SEC23IP: variants seen among roughly 807,000 people sequenced by gnomAD.
SEC23IP encodes the protein SEC23 interacting protein, also known as SEC23-interacting protein.
Under a neutral mutation model 113.4 loss-of-function variants are expected in SEC23IP, and 70 were observed. That is an observed-to-expected ratio of 0.62 (90% confidence interval 0.51 to 0.75). SEC23IP has a LOEUF of 0.75. Ranked by LOEUF, SEC23IP falls within the 30% of genes least tolerant of loss-of-function variation. The probability of loss-of-function intolerance (pLI) is 0.00; values close to 1 mark genes in which losing one functional copy is unlikely to be tolerated. For missense variants in SEC23IP, 1,160 were observed against 1,204.9 expected, an observed-to-expected ratio of 0.96 and a Z score of 0.55; for synonymous variants, 398 against 421.0, an observed-to-expected ratio of 0.95 and a Z score of 0.67.
At chr10:119,904,446 T>C (rs1854599174) in intron 4 of SEC23IP, 169 bp downstream of exon 4, 2 of 611,070 alleles carry the variant, frequency 3.3e-6, no homozygotes, top group African/African-American at 3.7e-5. Context: ...CATGAGGTGC[T>C]AATCGTGGCA....
chr10:119,897,690 A>C (rs1031587150), intron 1 of SEC23IP, among the ~76,000 whole-genome samples: 1 of 152,168 alleles, frequency 6.6e-6, no homozygotes, highest in East Asian at 1.9e-4. Context: ...TCTTACCAAG[A>C]AAAAAAGATA....
chr10:119,915,979 A>T (rs1855038145), intron 8 of SEC23IP, 90 bp downstream of exon 8: 2 of 1,119,532 alleles, frequency 1.8e-6, no homozygotes, highest in Non-Finnish European at 2.4e-6. Context: ...TTGTAGCTTC[A>T]ATCAATATGT....
At position 119,898,892 on chromosome 10, in the gene SEC23IP, C is replaced by T. The variant is rs1228437079; in HGVS notation, c.629C>T (p.Pro210Leu). The T allele has an allele frequency of 6.2e-7, 1 of 1,605,442 alleles. No individual in the cohort carries two copies. Among genetic ancestry groups the T allele is most frequent in the Non-Finnish European group, 8.5e-7 (1 of 1,179,888 alleles). Residue 210 changes from proline to leucine, a missense_variant, in exon 2 of 19, where the codon CCT (proline) becomes CTT (leucine). Transcript: ENST00000369075. The stretch of plus-strand genomic sequence containing the variant: ...CAGCAGTGCCAAACACCAGGCCCTC[C>T]TGCTCATCCTCCACCTTCTGGACCC... ...QLQQCQTPGPPAHPPPSGPPV... is the reference protein window; with the variant it reads ...QLQQCQTPGPLAHPPPSGPPV...
At chr10:119,933,652 GTC>G in intron 17 of SEC23IP, 32 bp from the exon 18 acceptor site, 1 of 1,172,906 alleles carries the variant, frequency 8.5e-7, no homozygotes. Context: ...TCTTCTAATT[GTC>G]TCTTAAGTAA....
At chr10:119,905,935 A>G (rs1479793776) in intron 4 of SEC23IP, among the ~76,000 whole-genome samples, 1 of 152,154 alleles carries the variant, frequency 6.6e-6, no homozygotes, top group Admixed American at 6.5e-5. Flanking sequence ...CAAGAAAAGT[A>G]CCGGTAAACT....
In SEC23IP at chr10:119,929,530, G is replaced by C. The variant is rs183959073; in HGVS notation, c.2314-77G>C. The C allele has an allele frequency of 5.6e-4, 739 of 1,310,206 alleles. 10 individuals are homozygous for C. In the East Asian group the frequency reaches 0.016, roughly 28 times the overall value. The allele number at this position is 1,310,206 out of a possible 1,614,324, so 81.2% of individuals were successfully genotyped here. On this transcript the variant is annotated intron_variant, in intron 13 of 18. Coordinates refer to ENST00000369075, the MANE Select transcript of SEC23IP (RefSeq NM_007190.4). ...ATTACAGGCATGAGCCACCACGCCC[G>C]GCCTGAAAATTCAAAAGAATTTTCT... is the stretch of plus-strand genomic sequence containing the variant.
Position 119,914,737 on chromosome 10 carries a change from G to T in SEC23IP, c.1320G>T (p.Met440Ile), listed in dbSNP as rs774516187. ...AAAAATTTTTTTTGATAGGGGAGAT[G>T]CCTCAAGTTGACCATTTGGTGTTTG... ...DNLDEIPDGE[M>I]PQVDHLVFVV... The change falls in exon 7 of 19, where the codon ATG (methionine) becomes ATT (isoleucine). Residue 440 changes from methionine (M) to isoleucine (I), a missense_variant. Physicochemically the swap from Met to Ile is conservative, Grantham distance 10. Transcript: ENST00000369075. The T allele has an allele frequency of 6.2e-7, 1 of 1,614,024 alleles. No individual in the cohort carries two copies. The highest frequency in any genetic ancestry group is 2.2e-5 in the East Asian group (1 of 44,878).
chr10:119,932,902 T>C, intron 16 of SEC23IP, 103 bp from the exon 17 acceptor site: 1 of 983,908 alleles, frequency 1.0e-6, no homozygotes, highest in Admixed American at 2.5e-5. Context: ...CTCAGGTTGC[T>C]ACATGCGTCA....
intron 13 of SEC23IP, among the ~76,000 whole-genome samples, chr10:119,929,124 A>G (rs759795532): frequency 6.6e-6 from 1 of 152,264 alleles, no homozygotes; most frequent in Non-Finnish European, 1.5e-5. Flanking sequence ...ATTTATAACC[A>G]TAATAAATAT....
chr10:119,909,030 C>G lies in SEC23IP; in HGVS notation c.1102-11C>G. The G allele has an allele frequency of 6.4e-7, 1 of 1,574,610 alleles. No individual in the cohort carries two copies. Among genetic ancestry groups the G allele is most frequent in the Non-Finnish European group, 8.7e-7 (1 of 1,153,086 alleles). On this transcript the variant is annotated splice_polypyrimidine_tract_variant and intron_variant, in intron 4 of 18. Coordinates refer to ENST00000369075, the MANE Select transcript of SEC23IP (RefSeq NM_007190.4). ...GTCATGTTGGAATATATGTTGTTTC[C>G]CCCATTATAGGCTGAATATAAAAAA... is the stretch of plus-strand genomic sequence containing the variant.
intron 15 of SEC23IP, among the ~76,000 whole-genome samples, chr10:119,931,555 A>ATT (rs755087472): frequency 2.2e-5 from 3 of 135,284 alleles, no homozygotes; most frequent in African/African-American, 5.5e-5. Context: ...ATGTGCTTAC[A>ATT]TTTTTTTTTT....
chr10:119,893,791 A>G (rs1854182376), intron 1 of SEC23IP, among the ~76,000 whole-genome samples: 2 of 152,132 alleles, frequency 1.3e-5, no homozygotes, highest in South Asian at 4.1e-4. Context: ...AAGTGCTGGG[A>G]TTACAGGTTT....
At position 119,911,037 on chromosome 10, in the gene SEC23IP, CT is replaced by C. The variant is rs34695263; in HGVS notation, c.1192-993del. Among the ~76,000 whole-genome samples the C allele has an allele frequency of 9.4e-3, 1,225 of 129,710 alleles. 11 individuals carry two copies. The highest frequency in any genetic ancestry group is 0.027 in the African/African-American group (933 of 35,134). The allele number at this position is 129,710 out of a possible 152,430, so 85.1% of individuals were successfully genotyped here. A position where few individuals can be genotyped will look rare whatever the true frequency, so the allele number is the denominator to read the frequency against. On this transcript the variant is annotated intron_variant, in intron 5 of 18. Transcript: ENST00000369075. ...TTGCATACTACATCAAGTATATATT[CT>C]TTTTTTTTTTTTTAAAGAAAATTTT... is the stretch of plus-strand genomic sequence containing the variant.
Position 119,944,578 on chromosome 10 carries a change from ATGT to A in SEC23IP, c.*4018_*4020del, listed in dbSNP as rs1378967531. 1.3e-5 allele frequency: 2 copies of A among 152,196 alleles called. No individual in the cohort carries two copies. The highest frequency in any genetic ancestry group is 2.9e-5 in the Non-Finnish European group (2 of 68,040). 9.4% of individuals were successfully genotyped at this position (152,196 alleles called of 1,614,324 possible). The stretch of plus-strand genomic sequence containing the variant: ...CACAACTGGGGCGACTGAAGAAATT[ATGT>A]TGTTAAGCACGAAATGCAGAGAGAG... On this transcript the variant is annotated 3_prime_UTR_variant, in exon 19 of 19. Coordinates refer to ENST00000369075, the MANE Select transcript of SEC23IP (RefSeq NM_007190.4).
At chr10:119,901,044 T>TAAA (rs1554911999) in intron 2 of SEC23IP, among the ~76,000 whole-genome samples, 1 of 42,994 alleles carries the variant, frequency 2.3e-5, no homozygotes, top group Non-Finnish European at 4.2e-5. Flanking sequence ...TTTTAAAGAG[T>TAAA]GGGGGGGGGG....
At chr10:119,903,695 T>C (rs1854570424) in intron 3 of SEC23IP, among the ~76,000 whole-genome samples, 1 of 152,202 alleles carries the variant, frequency 6.6e-6, no homozygotes, top group South Asian at 2.1e-4. Context: ...CTTTAAAGAT[T>C]GAGTAGTCAC....
intron 9 of SEC23IP, 79 bp downstream of exon 9, chr10:119,918,123 G>T (rs1478977237): frequency 8.7e-7 from 1 of 1,147,064 alleles, no homozygotes; most frequent in Non-Finnish European, 1.3e-6. Context: ...GATATTGTTA[G>T]TGCAAAATTA....
At chr10:119,908,620 G>A (rs1564910409) in intron 4 of SEC23IP, among the ~76,000 whole-genome samples, 1 of 152,200 alleles carries the variant, frequency 6.6e-6, no homozygotes, top group African/African-American at 2.4e-5. Flanking sequence ...GAGATTGCCA[G>A]CCACCACCAG....
intron 2 of SEC23IP, among the ~76,000 whole-genome samples, chr10:119,902,572 C>T (rs1037072262): frequency 1.3e-5 from 2 of 151,462 alleles, no homozygotes; most frequent in Non-Finnish European, 2.9e-5. Flanking sequence ...ATCATCACAT[C>T]AGGATAAATG....
Sources: gnomAD v4.1 joint callset for allele counts (sites outside exome capture counted in the v4.1 genomes callset) on GRCh38, gnomAD v4.1.1 for gene constraint, MANE v1.5 for transcripts, NCBI Gene and HGNC (gene_info 2026-07-23, HGNC 2026-07-21) for gene names.